Variants in DPYD observed in about 807,000 individuals in gnomAD.
DPYD encodes dihydropyrimidine dehydrogenase [NADP(+)].
A neutral mutation model predicts 116.2 loss-of-function variants in DPYD; 109 were observed. The observed-to-expected ratio is 0.94, with a 90% confidence interval of 0.80 to 1.10. The LOEUF is 1.10. Among genes scored for constraint, DPYD ranks in the 50% least tolerant of loss-of-function variants. DPYD has a pLI of 0.00. For synonymous variants in DPYD, 440 were observed against 432.0 expected (o/e 1.02, Z -0.23); for missense variants, 1,302 against 1,254.5 (o/e 1.04, Z -0.57).
At chr1:97,906,658 G>C (rs943766226) in intron 1 of DPYD, among the ~76,000 whole-genome samples, 1 of 152,106 alleles carries the variant, frequency 6.6e-6, no homozygotes, top group Non-Finnish European at 1.5e-5. Context: ...TGAAACTGCA[G>C]ATAGTATTGA....
intron 4 of DPYD, among the ~76,000 whole-genome samples, chr1:97,738,539 C>T (rs1664086907): frequency 6.6e-6 from 1 of 152,068 alleles, no homozygotes; most frequent in East Asian, 1.9e-4. Context: ...GAAAGAACAC[C>T]CCTCCTGCGT....
At chr1:97,296,308 C>T (rs551248007) in intron 18 of DPYD, among the ~76,000 whole-genome samples, 6 of 151,984 alleles carry the variant, frequency 3.9e-5, no homozygotes, top group Non-Finnish European at 8.8e-5. Flanking sequence ...TGGTGAAGAT[C>T]GCTAACTAAT....
intron 18 of DPYD, among the ~76,000 whole-genome samples, chr1:97,290,362 G>A (rs976063686): frequency 3.3e-5 from 5 of 152,144 alleles, no homozygotes; most frequent in Non-Finnish European, 5.9e-5. Flanking sequence ...AACCAAAAGA[G>A]AGCCCACATC....
intron 3 of DPYD, among the ~76,000 whole-genome samples, chr1:97,795,243 T>A (rs1258616949): frequency 6.6e-6 from 1 of 152,018 alleles, no homozygotes; most frequent in Non-Finnish European, 1.5e-5. Flanking sequence ...TAAAAAGACA[T>A]TTAGCAATGG....
chr1:97,719,215 A>G (rs1029429150), intron 5 of DPYD, among the ~76,000 whole-genome samples: 2 of 151,212 alleles, frequency 1.3e-5, no homozygotes, highest in African/African-American at 4.8e-5. Flanking sequence ...ATTCTACATA[A>G]GGCTATGCAT....
intron 5 of DPYD, among the ~76,000 whole-genome samples, chr1:97,714,655 CAAA>C (rs1193831747): frequency 0.036 from 1,820 of 49,942 alleles, 11 homozygotes; most frequent in Middle Eastern, 0.064. Flanking sequence ...AAAGAAAAGA[CAAA>C]AAAAAAAAAA....
intron 20 of DPYD, among the ~76,000 whole-genome samples, chr1:97,192,759 A>T (rs1445106268): frequency 1.3e-5 from 2 of 152,216 alleles, no homozygotes; most frequent in African/African-American, 4.8e-5. Flanking sequence ...GCATAAAGAA[A>T]TCTCCAGACT....
intron 8 of DPYD, among the ~76,000 whole-genome samples, chr1:97,623,650 T>C (rs184222339): frequency 8.6e-5 from 13 of 151,890 alleles, no homozygotes; most frequent in African/African-American, 2.9e-4. Context: ...TATGGAACCA[T>C]TGAAAAACCC....
chr1:97,383,301 A>G (rs1254210186), intron 14 of DPYD, among the ~76,000 whole-genome samples: 1 of 151,834 alleles, frequency 6.6e-6, no homozygotes, highest in Non-Finnish European at 1.5e-5. Context: ...ACATTGTAAA[A>G]CCCCATCTCT....
intron 19 of DPYD, among the ~76,000 whole-genome samples, chr1:97,194,170 T>C (rs1658584137): frequency 6.6e-6 from 1 of 152,194 alleles, no homozygotes. Context: ...GGTTTGGCTG[T>C]GTCCCCACAC....
At chr1:97,135,708 A>T (rs998664048) in intron 20 of DPYD, among the ~76,000 whole-genome samples, 1 of 152,186 alleles carries the variant, frequency 6.6e-6, no homozygotes, top group Non-Finnish European at 1.5e-5. Flanking sequence ...GTTTTATGGT[A>T]GAACAGGATT....
chr1:97,735,627 G>A (rs1203898010), intron 4 of DPYD, among the ~76,000 whole-genome samples: 1 of 151,030 alleles, frequency 6.6e-6, no homozygotes, highest in African/African-American at 2.4e-5. Context: ...GGCGGAGCTT[G>A]CAGTGCGCAG....
chr1:97,885,247 A>C (rs1672423324), intron 1 of DPYD, among the ~76,000 whole-genome samples: 1 of 152,098 alleles, frequency 6.6e-6, no homozygotes, highest in African/African-American at 2.4e-5. Flanking sequence ...ACATATAAAA[A>C]TGAACTCTTA....
chr1:97,306,540 G>C (rs1667185618), intron 16 of DPYD, among the ~76,000 whole-genome samples: 1 of 151,844 alleles, frequency 6.6e-6, no homozygotes, highest in African/African-American at 2.4e-5. Flanking sequence ...AGAGCCTTTA[G>C]AAAATAAAAT....
chr1:97,713,536 T>C (rs573152171), intron 5 of DPYD, among the ~76,000 whole-genome samples: 1 of 152,270 alleles, frequency 6.6e-6, no homozygotes, highest in South Asian at 2.1e-4. Context: ...AATATTTTAA[T>C]AGATTTCTAA....
intron 5 of DPYD, among the ~76,000 whole-genome samples, chr1:97,716,668 A>T (rs567586249): frequency 0.013 from 2,016 of 152,198 alleles, 21 homozygotes; most frequent in Middle Eastern, 0.024. Flanking sequence ...AAACTTTTTA[A>T]AAAAAGATGA....
chr1:97,084,920 CAT>C (rs2101565207), intron 21 of DPYD, among the ~76,000 whole-genome samples: 1 of 152,190 alleles, frequency 6.6e-6, no homozygotes, highest in South Asian at 2.1e-4. Context: ...TATTTGTTAA[CAT>C]AAATATAAAT....
At chr1:97,533,778 A>ATAT (rs1649806518) in intron 12 of DPYD, among the ~76,000 whole-genome samples, 1 of 152,216 alleles carries the variant, frequency 6.6e-6, no homozygotes, top group Non-Finnish European at 1.5e-5. Context: ...GAATTCTCTG[A>ATAT]AATAGACTAA....
intron 12 of DPYD, among the ~76,000 whole-genome samples, chr1:97,543,190 A>G (rs956188493): frequency 6.6e-6 from 1 of 152,152 alleles, no homozygotes; most frequent in Non-Finnish European, 1.5e-5. Context: ...TAACCTGTCC[A>G]AGGTAACATG....
Sources: gnomAD v4.1 joint callset for allele counts (sites outside exome capture counted in the v4.1 genomes callset) on GRCh38, gnomAD v4.1.1 for gene constraint, MANE v1.5 for transcripts, NCBI Gene and HGNC (gene_info 2026-07-23, HGNC 2026-07-21) for gene names.